Variants in IL7 observed in about 807,000 individuals in gnomAD.
IL7 encodes the protein interleukin 7, also known as interleukin-7.
Under a neutral mutation model 21.6 loss-of-function variants are expected in IL7, and 3 were observed. The observed-to-expected ratio is 0.14, with a 90% CI of 0.06 to 0.36. IL7 has a LOEUF of 0.36. Ranked by LOEUF, IL7 falls within the 10% of genes least tolerant of loss-of-function variation. IL7 has a pLI of 1.00. For synonymous variants in IL7, 62 were observed against 68.1 expected (o/e 0.91, Z 0.44); for missense variants, 175 against 200.2 (o/e 0.87, Z 0.76).
At chr8:78,779,184 G>A (rs530816218) in intron 2 of IL7, among the ~76,000 whole-genome samples, 189 of 151,322 alleles carry the variant, frequency 1.2e-3, no homozygotes, top group African/African-American at 4.3e-3. Context: ...TCACATCATC[G>A]GCAAACAGTT....
rs112311844 is a variant in IL7, at chr8:78,798,196, T to C, written c.23A>G (p.Tyr8Cys). 3.1e-6 allele frequency: 5 copies of C among 1,609,316 alleles called. No individual in the cohort carries two copies. In the African/African-American group the frequency reaches 5.3e-5, roughly 17 times the overall value. ...GATCAGGGGAGGAAGTCCAAAGATA[T>C]ACCTAAAAGAAACTAAATTTGACAG... MFHVSFR[Y>C]IFGLPPLILV... Residue 8 changes from tyrosine (Y) to cysteine (C), a missense_variant, in exon 2 of 6, where the codon TAT becomes TGT. Transcript: ENST00000263851.
chr8:78,774,153 T>C (rs1002138763), intron 2 of IL7, among the ~76,000 whole-genome samples: 2 of 152,158 alleles, frequency 1.3e-5, no homozygotes, highest in African/African-American at 2.4e-5. Flanking sequence ...TCATTACTTA[T>C]AATAATTTTC....
intron 2 of IL7, among the ~76,000 whole-genome samples, chr8:78,796,828 T>G (rs1178355241): frequency 6.6e-6 from 1 of 152,028 alleles, no homozygotes; most frequent in Non-Finnish European, 1.5e-5. Flanking sequence ...TACAGCCACT[T>G]TGGAAGAAAG....
Position 78,805,011 on chromosome 8 carries a change from C to A in IL7, c.-89G>T, listed in dbSNP as rs546182239. The A allele has an allele frequency of 1.6e-5, 23 of 1,462,712 alleles. No individual in the cohort carries two copies. In the East Asian group the frequency reaches 3.5e-4, roughly 22 times the overall value. The allele number at this position is 1,462,712 out of a possible 1,614,324, so 90.6% of individuals were successfully genotyped here. ...CCATAGTCACTCCCAGGACCCTGGTCTTCCGCGGAGTTGCCGAGTCTGTGT... is the reference window on the plus strand; with the variant it reads ...CCATAGTCACTCCCAGGACCCTGGTATTCCGCGGAGTTGCCGAGTCTGTGT... On this transcript the variant is annotated 5_prime_UTR_variant, in exon 1 of 6. Transcript: ENST00000263851.
At chr8:78,760,488 T>G (rs1372604088) in intron 2 of IL7, 2 of 1,541,302 alleles carry the variant, frequency 1.3e-6, no homozygotes, top group Admixed American at 2.0e-5. Context: ...TTCCATTTGA[T>G]TCCCCAACAA....
At chr8:78,697,583 T>C in intron 3 of IL7, 1 of 1,004,268 alleles carries the variant, frequency 1.0e-6, no homozygotes, top group East Asian at 2.5e-5. Context: ...TAGTGGTCTA[T>C]TCTGGAATAT....
intron 2 of IL7, among the ~76,000 whole-genome samples, chr8:78,747,405 A>C (rs1008485397): frequency 1.3e-5 from 2 of 151,974 alleles, no homozygotes; most frequent in African/African-American, 4.8e-5. Flanking sequence ...GGCTGTCCTC[A>C]AACTCCTTAC....
chr8:78,702,283 G>A (rs1026045508), intron 3 of IL7, among the ~76,000 whole-genome samples: 1 of 152,054 alleles, frequency 6.6e-6, no homozygotes, highest in African/African-American at 2.4e-5. Flanking sequence ...ATTCTGTGAT[G>A]ACTTGTATTT....
rs1322429325 is a variant in IL7, at chr8:78,702,620, C to T, written n.215-16673G>A. Among the ~76,000 whole-genome samples, 6 of 152,256 alleles carry T rather than the reference C, an allele frequency of 3.9e-5. No individual in the cohort carries two copies. In the East Asian group the frequency reaches 1.2e-3, roughly 29 times the overall value. ...TTTAGTCCTATAAATTTCCCTTTTACACTGCCTTAGCTGTGTTCTAGAGAG... is the reference window on the plus strand; with the variant it reads ...TTTAGTCCTATAAATTTCCCTTTTATACTGCCTTAGCTGTGTTCTAGAGAG... On this transcript the variant is annotated intron_variant and non_coding_transcript_variant, in intron 3 of 4. Transcript: ENST00000523959.
rs1222497743 is a variant in IL7, at chr8:78,675,988, T to C, written n.390A>G. ...TGAAGAGTTAATGGGTACTATTCTTTGTTCAAGGGTCTTGATTTCAGCTAT... is the reference window on the plus strand; with the variant it reads ...TGAAGAGTTAATGGGTACTATTCTTCGTTCAAGGGTCTTGATTTCAGCTAT... On this transcript the variant is annotated non_coding_transcript_exon_variant, in exon 5 of 5. Transcript: ENST00000523959. 99 of 667,974 alleles carry C rather than the reference T, an allele frequency of 1.5e-4. 4 individuals carry two copies. Among genetic ancestry groups the C allele is most frequent in the Non-Finnish European group, 1.4e-4 (57 of 417,746 alleles). 41.4% of individuals were successfully genotyped at this position (667,974 alleles called of 1,614,324 possible). A position where few individuals can be genotyped will look rare whatever the true frequency, so the allele number is the denominator to read the frequency against.
chr8:78,802,622 G>A (rs1814110649), intron 1 of IL7, among the ~76,000 whole-genome samples: 2 of 152,018 alleles, frequency 1.3e-5, no homozygotes, highest in South Asian at 4.2e-4. Flanking sequence ...TAGTTGAGAC[G>A]AGGTTTCACC....
downstream of IL7, chr8:78,675,674 C>T (rs1346549624): frequency 5.1e-6 from 5 of 984,998 alleles, no homozygotes; most frequent in Non-Finnish European, 7.4e-6. Flanking sequence ...TGCAGTAAAA[C>T]ATTTTTCACA....
chr8:78,721,485 T>A (rs935583231), intron 3 of IL7: 2 of 152,044 alleles, frequency 1.3e-5, no homozygotes, highest in African/African-American at 4.8e-5. Flanking sequence ...TAATTCCAGC[T>A]ATTCAATCTT....
At chr8:78,724,742 C>G (rs1254908305) in intron 3 of IL7, among the ~76,000 whole-genome samples, 1 of 151,834 alleles carries the variant, frequency 6.6e-6, no homozygotes, top group Non-Finnish European at 1.5e-5. Flanking sequence ...AGCTTTATAC[C>G]CTCTCTGAGG....
intron 2 of IL7, among the ~76,000 whole-genome samples, chr8:78,774,530 T>C (rs945376683): frequency 6.6e-6 from 1 of 152,124 alleles, no homozygotes; most frequent in African/African-American, 2.4e-5. Context: ...ACTATATTAA[T>C]TTCCCAGTCC....
rs375510413 is a variant in IL7 at position 78,778,235 on chromosome 8, A to C, written c.147+19837T>G. The stretch of plus-strand genomic sequence containing the variant: ...TCTTTAACAGCCATTTCATAAATGC[A>C]TGCAAAATTGCATGGAAAGGCAGGA... On this transcript the variant is annotated intron_variant, in intron 2 of 5. Coordinates refer to ENST00000263851, the MANE Select transcript of IL7 (RefSeq NM_000880.4). Among the ~76,000 whole-genome samples the C allele has an allele frequency of 3.0e-4, 46 of 152,244 alleles. No homozygotes were observed. The South Asian group carries it at 9.5e-3, about 32-fold the overall frequency.
intron 4 of IL7, among the ~76,000 whole-genome samples, chr8:78,680,642 A>G (rs1809746643): frequency 6.6e-6 from 1 of 152,198 alleles, no homozygotes. Context: ...GAAAAACAAA[A>G]GGTAGGCATA....
In IL7 at chr8:78,755,652, A is replaced by G. The variant is rs189321159; in HGVS notation, c.148-15570T>C. On this transcript the variant is annotated intron_variant, in intron 2 of 5. Transcript: ENST00000263851. ...TTCAGCTAGTTCATTATGATATAAA[A>G]AAATGCTACTGATTCTCGTATGTTA... Among the ~76,000 whole-genome samples, 1,202 of 152,038 alleles carry G rather than the reference A, an allele frequency of 7.9e-3. 5 individuals carry two copies. Among genetic ancestry groups the G allele is most frequent in the Middle Eastern group, 0.044 (13 of 294 alleles).
At chr8:78,694,964 G>A (rs934823053) in intron 3 of IL7, among the ~76,000 whole-genome samples, 30 of 152,238 alleles carry the variant, frequency 2.0e-4, no homozygotes, top group African/African-American at 6.7e-4. Flanking sequence ...ACACAAAACC[G>A]TTGATTGATA....
Sources: gnomAD v4.1 joint callset for allele counts (sites outside exome capture counted in the v4.1 genomes callset) on GRCh38, gnomAD v4.1.1 for gene constraint, MANE v1.5 for transcripts, NCBI Gene and HGNC (gene_info 2026-07-23, HGNC 2026-07-21) for gene names.